Variants in EMILIN2 observed in about 807,000 individuals in gnomAD.
EMILIN2 encodes the protein elastin microfibril interfacer 2, also known as EMILIN-2.
In EMILIN2, 71 loss-of-function variants were observed where a neutral mutation model predicts 87.1. The ratio of observed to expected loss-of-function variants is 0.82; its 90% CI spans 0.67 to 0.99. The LOEUF is 0.99. Among genes scored for constraint, EMILIN2 ranks in the 50% least tolerant of loss-of-function variants. The pLI is 0.00. For synonymous variants in EMILIN2, 581 were observed against 563.4 expected (o/e 1.03, Z -0.44); for missense variants, 1,407 against 1,371.8 (o/e 1.03, Z -0.40).
intron 2 of EMILIN2, among the ~76,000 whole-genome samples, chr18:2,863,381 A>G (rs891212361): frequency 2.8e-4 from 43 of 151,518 alleles, no homozygotes; most frequent in African/African-American, 9.7e-4. Context: ...CCCTCTACAC[A>G]CTGCTTTAAA....
chr18:2,873,673 C>G (rs1448754150), intron 2 of EMILIN2, among the ~76,000 whole-genome samples: 1 of 152,022 alleles, frequency 6.6e-6, no homozygotes, highest in African/African-American at 2.4e-5. Context: ...CGTCACTGCA[C>G]TCCAGCCTGG....
At chr18:2,903,194 C>T (rs997776053) in intron 4 of EMILIN2, among the ~76,000 whole-genome samples, 1 of 151,716 alleles carries the variant, frequency 6.6e-6, no homozygotes, top group East Asian at 1.9e-4. Context: ...GGGGCTGGGG[C>T]TCAGGCAGAG....
intron 2 of EMILIN2, among the ~76,000 whole-genome samples, chr18:2,858,569 A>ATATGTG (rs1305555851): frequency 3.8e-4 from 21 of 55,358 alleles, no homozygotes; most frequent in African/African-American, 1.4e-3. Context: ...ATATATATAT[A>ATATGTG]TGTGTGTGTG....
rs1034796478 is a variant in EMILIN2 at position 2,913,195 on chromosome 18, T to A, written c.2953T>A (p.Tyr985Asn). 6.2e-7 allele frequency: 1 copy of A among 1,613,586 alleles called. No individual in the cohort carries two copies. Among genetic ancestry groups the A allele is most frequent in the Admixed American group, 1.7e-5 (1 of 59,940 alleles). The change falls in exon 8 of 8, where the codon TAC becomes AAC. Residue 985 changes from tyrosine to asparagine, a missense_variant. Coordinates refer to ENST00000254528, the MANE Select transcript of EMILIN2 (RefSeq NM_032048.3). Reference protein sequence around the residue: ...ASVAQLHTAGYRREFLEYHRP... With the variant: ...ASVAQLHTAGNRREFLEYHRP... The stretch of plus-strand genomic sequence containing the variant: ...CGTGGCCCAGCTGCATACCGCTGGG[T>A]ACAGGAGAGAGTTCCTGGAATACCA...
chr18:2,856,744 C>A (rs910033904), intron 2 of EMILIN2, among the ~76,000 whole-genome samples: 1 of 152,168 alleles, frequency 6.6e-6, no homozygotes, highest in African/African-American at 2.4e-5. Context: ...CTACTTCCAT[C>A]CTTGATGAAG....
intron 2 of EMILIN2, among the ~76,000 whole-genome samples, chr18:2,877,124 A>G (rs1312658865): frequency 6.6e-6 from 1 of 152,210 alleles, no homozygotes. Flanking sequence ...GAATGTTTGC[A>G]TTGGAAGGGA....
At chr18:2,877,981 A>G (rs1205073113) in intron 2 of EMILIN2, among the ~76,000 whole-genome samples, 11 of 152,224 alleles carry the variant, frequency 7.2e-5, no homozygotes, top group African/African-American at 2.7e-4. Context: ...TTGCACTCAA[A>G]TGAGGTATAA....
rs1332914698 is a variant in EMILIN2 at position 2,891,688 on chromosome 18, G to C, written c.1561G>C (p.Ala521Pro). The change falls in exon 4 of 8, where the codon GCA becomes CCA. Residue 521 changes from alanine (A) to proline (P), a missense_variant. Ala to Pro is a conservative substitution (Grantham distance 27). Coordinates refer to ENST00000254528, the MANE Select transcript of EMILIN2 (RefSeq NM_032048.3). The surrounding 1 kb of genome is among the most constrained non-coding windows in gnomAD (Gnocchi z 4.6). ...NTGAELSPPG[A>P]AALPGVSGSG... Reference sequence around the variant, plus strand: ...TGGTGCAGAGCTCAGTCCCCCAGGGGCAGCAGCCCTGCCAGGAGTGTCAGG... The same window carrying C: ...TGGTGCAGAGCTCAGTCCCCCAGGGCCAGCAGCCCTGCCAGGAGTGTCAGG... 1 of 1,614,156 alleles carries C rather than the reference G, an allele frequency of 6.2e-7. No individual in the cohort carries two copies. The highest frequency in any genetic ancestry group is 2.2e-5 in the East Asian group (1 of 44,870).
chr18:2,847,472 G>A lies in EMILIN2; in HGVS notation c.134+150G>A, dbSNP rs1048582489. ...CGGCTCCCTCTGCGGGGGACCGCGC[G>A]CTCCGCAGCCGGCGCCTCAGGCAGA... On this transcript the variant is annotated intron_variant, in intron 1 of 7. Transcript: ENST00000254528. The surrounding 1 kb of genome is among the most constrained non-coding windows in gnomAD (Gnocchi z 4.5). 1.0e-6 allele frequency: 1 copy of A among 983,094 alleles called. No homozygotes were observed. The highest frequency in any genetic ancestry group is 3.4e-5 in the East Asian group (1 of 29,246). 60.9% of individuals were successfully genotyped at this position (983,094 alleles called of 1,614,324 possible). A position where few individuals can be genotyped will look rare whatever the true frequency, so the allele number is the denominator to read the frequency against.
At position 2,907,820 on chromosome 18, in the gene EMILIN2, T is replaced by C. The variant is rs906296428; in HGVS notation, c.2662+735T>C. Reference sequence around the variant, plus strand: ...AACTGAGATTTGTGGCTATAACAGATAAACAGATGACCCTGAATGGGGCAG... The same window carrying C: ...AACTGAGATTTGTGGCTATAACAGACAAACAGATGACCCTGAATGGGGCAG... On this transcript the variant is annotated intron_variant, in intron 5 of 7. Coordinates refer to ENST00000254528, the MANE Select transcript of EMILIN2 (RefSeq NM_032048.3). Among the ~76,000 whole-genome samples the C allele has an allele frequency of 3.9e-5, 6 of 152,198 alleles. No homozygotes were observed. In the East Asian group the frequency reaches 5.8e-4, roughly 15 times the overall value.
Position 2,847,342 on chromosome 18 carries a change from C to T in EMILIN2, c.134+20C>T. On this transcript the variant is annotated intron_variant, in intron 1 of 7. Transcript: ENST00000254528. The surrounding 1 kb of genome is among the most constrained non-coding windows in gnomAD (Gnocchi z 4.5). ...GAACAAGTAAGTGCGCGCCCCTTGG[C>T]TGGCCCCAAACCGCCTACCCCTCCC... 3 of 1,304,220 alleles carry T rather than the reference C, an allele frequency of 2.3e-6. No homozygotes were observed. The highest frequency in any genetic ancestry group is 4.2e-5 in the Admixed American group (1 of 23,934). 80.8% of individuals were successfully genotyped at this position (1,304,220 alleles called of 1,614,324 possible).
intron 2 of EMILIN2, among the ~76,000 whole-genome samples, chr18:2,881,994 G>A (rs1351859864): frequency 6.6e-6 from 1 of 152,202 alleles, no homozygotes; most frequent in Non-Finnish European, 1.5e-5. Flanking sequence ...AACATCTCCA[G>A]GTGGGGCCGC....
chr18:2,909,902 C>T, intron 7 of EMILIN2, 83 bp downstream of exon 7: 1 of 1,566,944 alleles, frequency 6.4e-7, no homozygotes, highest in East Asian at 2.3e-5. Context: ...CTGGCTGGTT[C>T]CCAGCGTCCC....
intron 2 of EMILIN2, among the ~76,000 whole-genome samples, chr18:2,854,800 A>C (rs1305004632): frequency 2.0e-5 from 3 of 152,164 alleles, no homozygotes; most frequent in Non-Finnish European, 4.4e-5. Context: ...AACAAACAAA[A>C]AAACCCAGAA....
intron 4 of EMILIN2, among the ~76,000 whole-genome samples, chr18:2,895,564 G>C (rs1036446833): frequency 2.6e-5 from 4 of 152,194 alleles, no homozygotes; most frequent in African/African-American, 9.7e-5. Context: ...CGCCCACTCA[G>C]CTGCATTCAG....
At chr18:2,874,231 T>G (rs1004393032) in intron 2 of EMILIN2, among the ~76,000 whole-genome samples, 7 of 152,108 alleles carry the variant, frequency 4.6e-5, no homozygotes, top group Non-Finnish European at 7.3e-5. Flanking sequence ...TGTTGTTGTT[T>G]TTTTTAAGAG....
intron 2 of EMILIN2, among the ~76,000 whole-genome samples, chr18:2,853,312 C>A (rs1164699018): frequency 6.6e-6 from 1 of 152,182 alleles, no homozygotes; most frequent in Non-Finnish European, 1.5e-5. Flanking sequence ...TGCCACCCCC[C>A]CAGCCCTTGG....
chr18:2,883,227 G>GATGTCAAAGGTCTCTCAC (rs1555667893), intron 2 of EMILIN2, among the ~76,000 whole-genome samples: 9 of 151,430 alleles, frequency 5.9e-5, no homozygotes, highest in Non-Finnish European at 8.8e-5. Context: ...CCTCGGGGAG[G>GATGTCAAAGGTCTCTCAC]ATGTCAAAGG....
Position 2,847,712 on chromosome 18 carries a change from A to C in EMILIN2, c.135-97A>C, listed in dbSNP as rs2076582351. On this transcript the variant is annotated intron_variant, in intron 1 of 7. Coordinates refer to ENST00000254528, the MANE Select transcript of EMILIN2 (RefSeq NM_032048.3). The surrounding 1 kb of genome is among the most constrained non-coding windows in gnomAD (Gnocchi z 4.5). ...CCGCAGAGGGCGACGGGCCCCCCCG[A>C]CCCTCGCTCGGTCTGGTGCCGCAGT... 1 of 1,494,708 alleles carries C rather than the reference A, an allele frequency of 6.7e-7. No individual in the cohort carries two copies. Among genetic ancestry groups the C allele is most frequent in the Admixed American group, 2.2e-5 (1 of 46,324 alleles). 92.6% of individuals were successfully genotyped at this position (1,494,708 alleles called of 1,614,324 possible).
Sources: allele counts gnomAD v4.1 joint callset (sites outside exome capture counted in the v4.1 genomes callset), GRCh38; gene constraint gnomAD v4.1.1; non-coding constraint Gnocchi (gnomAD v3.1); transcripts MANE v1.5; gene names NCBI Gene and HGNC (gene_info 2026-07-23, HGNC 2026-07-21).